MYO10: variants seen among roughly 807,000 people sequenced by gnomAD.
MYO10 encodes the protein myosin X, also known as unconventional myosin-X.
In MYO10, 133 loss-of-function variants were observed where a neutral mutation model predicts 257.3. The ratio of observed to expected loss-of-function variants is 0.52; its 90% confidence interval spans 0.45 to 0.60. The LOEUF is 0.60. Among genes scored for constraint, MYO10 ranks in the 20% least tolerant of loss-of-function variants. The pLI, the probability that MYO10 is intolerant of heterozygous loss-of-function variation, is 0.00. For missense variants in MYO10, 2,399 were observed against 2,635.7 expected (o/e 0.91, Z 1.97); for synonymous variants, 1,104 against 1,028.6 (o/e 1.07, Z -1.40).
intron 19 of MYO10, chr5:16,738,240 C>G (rs1166465685): frequency 2.5e-5 from 25 of 984,894 alleles, no homozygotes; most frequent in Non-Finnish European, 3.0e-5. Context: ...AGGAACCAGT[C>G]AAGAGGAGGA....
At chr5:16,918,446 T>C (rs1395512812) in intron 1 of MYO10, among the ~76,000 whole-genome samples, 2 of 151,838 alleles carry the variant, frequency 1.3e-5, no homozygotes, top group Admixed American at 1.3e-4. Context: ...GCCTTGGCAT[T>C]CCACACGGAT....
At chr5:16,679,848 GA>G in intron 33 of MYO10, 98 bp downstream of exon 33, 8 of 1,449,118 alleles carry the variant, frequency 5.5e-6, no homozygotes, top group Admixed American at 2.3e-5. Context: ...TTTGATTACA[GA>G]AAAAAAACTG....
At chr5:16,693,117 A>T (rs1737579812) in intron 27 of MYO10, among the ~76,000 whole-genome samples, 1 of 152,156 alleles carries the variant, frequency 6.6e-6, no homozygotes, top group African/African-American at 2.4e-5. Context: ...TAATACAAAA[A>T]ATTAGCCTGG....
chr5:16,708,177 C>A lies in MYO10; in HGVS notation c.2169+2731G>T, dbSNP rs116831426. On this transcript the variant is annotated intron_variant, in intron 21 of 40. Transcript: ENST00000513610. ...TCCAACTTCTACTCCCAACTTTTCA[C>A]CAATTAAAACTGAACTCCTCTTTAA... Among the ~76,000 whole-genome samples the A allele has an allele frequency of 6.9e-3, 1,053 of 152,348 alleles. 4 individuals carry two copies. The highest frequency in any genetic ancestry group is 0.012 in the South Asian group (60 of 4,834).
chr5:16,753,082 G>T (rs926726268), intron 19 of MYO10, among the ~76,000 whole-genome samples: 1 of 152,128 alleles, frequency 6.6e-6, no homozygotes, highest in Non-Finnish European at 1.5e-5. Context: ...AACTGAACAG[G>T]TTATTTTCTC....
At chr5:16,904,907 C>T (rs1213519901) in intron 1 of MYO10, among the ~76,000 whole-genome samples, 2 of 151,906 alleles carry the variant, frequency 1.3e-5, no homozygotes, top group African/African-American at 4.8e-5. Flanking sequence ...CCAGGCTGGG[C>T]GACAGAGCAA....
At chr5:16,711,355 T>G in intron 19 of MYO10, 110 bp from the exon 20 acceptor site, 1 of 1,117,228 alleles carries the variant, frequency 9.0e-7, no homozygotes, top group Non-Finnish European at 1.3e-6. Flanking sequence ...TCAAAACACA[T>G]ACGAGAATCT....
chr5:16,712,569 G>T (rs1561202542), intron 19 of MYO10, among the ~76,000 whole-genome samples: 1 of 152,170 alleles, frequency 6.6e-6, no homozygotes, highest in Non-Finnish European at 1.5e-5. Context: ...CTTAATTTGT[G>T]ACCCTTAAAA....
chr5:16,766,039 A>C (rs993112413), intron 11 of MYO10, 41 bp downstream of exon 11: 2 of 1,424,476 alleles, frequency 1.4e-6, no homozygotes, highest in Admixed American at 1.7e-5. Context: ...AAAACCCAGG[A>C]GTGTCTAGTA....
At chr5:16,754,093 G>T (rs561971966) in intron 19 of MYO10, among the ~76,000 whole-genome samples, 1 of 151,950 alleles carries the variant, frequency 6.6e-6, no homozygotes, top group African/African-American at 2.4e-5. Context: ...AATTTGTAGG[G>T]GTTTTCTCAC....
chr5:16,778,139 C>G (rs754632440), intron 9 of MYO10, among the ~76,000 whole-genome samples: 9 of 151,990 alleles, frequency 5.9e-5, no homozygotes, highest in African/African-American at 2.2e-4. Flanking sequence ...CATGAGCCAC[C>G]GTGCCCGGCT....
At chr5:16,670,162 AAAGT>A in intron 39 of MYO10, among the ~76,000 whole-genome samples, 1 of 152,380 alleles carries the variant, frequency 6.6e-6, no homozygotes, top group Non-Finnish European at 1.5e-5. Context: ...AAGAAAAAAC[AAAGT>A]AAAATGCAAG....
At chr5:16,789,653 C>T (rs1300538362) in intron 4 of MYO10, among the ~76,000 whole-genome samples, 1 of 152,098 alleles carries the variant, frequency 6.6e-6, no homozygotes, top group Non-Finnish European at 1.5e-5. Context: ...GTTAGCCAGC[C>T]ATGATGGTGC....
At chr5:16,760,550 G>A (rs1014244264) in intron 17 of MYO10, among the ~76,000 whole-genome samples, 4 of 151,886 alleles carry the variant, frequency 2.6e-5, no homozygotes, top group Non-Finnish European at 4.4e-5. Flanking sequence ...GTTTCTGTGT[G>A]TTTTCTTTAT....
chr5:16,922,596 A>T (rs781441926), intron 1 of MYO10, among the ~76,000 whole-genome samples: 1 of 152,164 alleles, frequency 6.6e-6, no homozygotes, highest in Non-Finnish European at 1.5e-5. Context: ...CAGGCAGCAG[A>T]GGAGGCAAGG....
intron 2 of MYO10, among the ~76,000 whole-genome samples, chr5:16,867,772 G>C (rs983494835): frequency 6.6e-6 from 1 of 152,184 alleles, no homozygotes; most frequent in Non-Finnish European, 1.5e-5. Context: ...GGAATGACTT[G>C]AAAGTCCCAT....
At chr5:16,929,160 A>G (rs572693715) in intron 1 of MYO10, among the ~76,000 whole-genome samples, 24 of 151,674 alleles carry the variant, frequency 1.6e-4, no homozygotes, top group Non-Finnish European at 3.2e-4. Flanking sequence ...TCACCGTGTT[A>G]GCCAGGATGG....
At chr5:16,714,615 T>C (rs568771880) in intron 19 of MYO10, among the ~76,000 whole-genome samples, 24 of 152,246 alleles carry the variant, frequency 1.6e-4, no homozygotes, top group African/African-American at 5.5e-4. Context: ...TGCAGGAGAT[T>C]GAGACCATCC....
At chr5:16,893,357 G>C (rs1745123125) in intron 1 of MYO10, among the ~76,000 whole-genome samples, 1 of 151,908 alleles carries the variant, frequency 6.6e-6, no homozygotes, top group Admixed American at 6.6e-5. Context: ...TCTCCTGCTG[G>C]GCACCATGGC....
Sources: gnomAD v4.1 joint callset for allele counts (sites outside exome capture counted in the v4.1 genomes callset) on GRCh38, gnomAD v4.1.1 for gene constraint, MANE v1.5 for transcripts, NCBI Gene and HGNC (gene_info 2026-07-23, HGNC 2026-07-21) for gene names.